Variants in ACADVL observed in about 807,000 individuals in gnomAD.
ACADVL encodes acyl-CoA dehydrogenase very long chain.
ACADVL carries 73 observed loss-of-function variants against 80.4 expected under a neutral mutation model. The observed-to-expected ratio is 0.91, with a 90% CI of 0.75 to 1.10. The LOEUF is 1.10. Ranked by LOEUF, ACADVL falls within the 50% of genes least tolerant of loss-of-function variation. The pLI is 0.00. For missense variants in ACADVL, 878 were observed against 858.9 expected, an observed-to-expected ratio of 1.02 and a Z score of -0.28; for synonymous variants, 392 against 326.5, an observed-to-expected ratio of 1.20 and a Z score of -2.16.
intron 2 of ACADVL, 77 bp from the exon 3 acceptor site, chr17:7,220,387 C>T: frequency 6.2e-7 from 1 of 1,601,304 alleles, no homozygotes; most frequent in Non-Finnish European, 8.6e-7. Context: ...GCCGCCTCCC[C>T]GCGCGGCTCT....
rs2071185652 is a variant in ACADVL, at chr17:7,220,997, T to TG, written c.421dup (p.Ala141GlyfsTer9). On this transcript the variant is annotated frameshift_variant, in exon 6 of 20. Coordinates refer to ENST00000356839, the MANE Select transcript of ACADVL (RefSeq NM_000018.4). LOFTEE classifies it high-confidence loss of function. ...ACCACTTGGCAGGGCCTCAAGGAGC[T>TG]GGGGGCCTTTGGTCTGCAAGTGCCC... is the stretch of plus-strand genomic sequence containing the variant. 1 of 1,614,070 alleles carries TG rather than the reference T, an allele frequency of 6.2e-7. No homozygotes were observed. Among genetic ancestry groups the TG allele is most frequent in the Non-Finnish European group, 8.5e-7 (1 of 1,180,016 alleles).
chr17:7,223,940 G>T, intron 13 of ACADVL, 28 bp from the exon 14 acceptor site: 1 of 1,613,726 alleles, frequency 6.2e-7, no homozygotes, highest in Non-Finnish European at 8.5e-7. Context: ...CTCAGCACGG[G>T]CATATAATTT....
At chr17:7,220,320 G>T (rs2071133589) in intron 2 of ACADVL, 123 bp downstream of exon 2, 2 of 1,518,036 alleles carry the variant, frequency 1.3e-6, no homozygotes, top group Non-Finnish European at 1.8e-6. Context: ...CGAAAGTAGG[G>T]GAAAGGGCAA....
intron 6 of ACADVL, 163 bp downstream of exon 6, chr17:7,221,221 T>C: frequency 8.0e-7 from 1 of 1,246,610 alleles, no homozygotes; most frequent in South Asian, 1.3e-5. Flanking sequence ...ACAATTTACA[T>C]GCAGTCCCCT....
upstream of ACADVL, chr17:7,217,674 G>C (rs947456289): frequency 3.4e-6 from 5 of 1,481,592 alleles, no homozygotes; most frequent in African/African-American, 4.2e-5. Context: ...AGCCAGAATG[G>C]GGGGGGTGCC....
chr17:7,222,288 CG>C lies in ACADVL; in HGVS notation c.869del (p.Gly290AlafsTer63), dbSNP rs886044671. ...ITAFVVERGFGGITHGPPEKK... is the reference protein window; with the variant it reads ...ITAFVVERGFXGITHGPPEKK... ...CAGCTTTTGTGGTGGAGAGGGGCTT[CG>C]GGGGCATTACCCAGTGAGTGAATTT... On this transcript the variant is annotated frameshift_variant, in exon 9 of 20. Transcript: ENST00000356839. LOFTEE classifies it high-confidence loss of function. 2 of 1,613,860 alleles carry C rather than the reference CG, an allele frequency of 1.2e-6. No individual in the cohort carries two copies. Among genetic ancestry groups the C allele is most frequent in the Non-Finnish European group, 1.7e-6 (2 of 1,179,972 alleles).
chr17:7,218,770 C>G, upstream of ACADVL: 1 of 1,604,488 alleles, frequency 6.2e-7, no homozygotes, highest in African/African-American at 1.3e-5. Context: ...GAAGGATCTC[C>G]GAGCCCCAGC....
At chr17:7,220,721 C>T in intron 4 of ACADVL, 45 bp downstream of exon 4, 2 of 1,614,064 alleles carry the variant, frequency 1.2e-6, no homozygotes, top group Admixed American at 1.7e-5. Context: ...AGGGTGGTTT[C>T]CCCTGCCAGC....
chr17:7,217,684 C>T (rs750089251), upstream of ACADVL: 30 of 1,521,486 alleles, frequency 2.0e-5, no homozygotes, highest in South Asian at 3.3e-4. Flanking sequence ...GGGGGGGTGC[C>T]TTGGCAGAGT....
intron 7 of ACADVL, 130 bp downstream of exon 7, chr17:7,221,812 G>C: frequency 6.3e-7 from 1 of 1,587,148 alleles, no homozygotes. Flanking sequence ...AGGCATCACA[G>C]TGTGCTGGTT....
intron 6 of ACADVL, 51 bp downstream of exon 6, chr17:7,221,109 G>A: frequency 6.2e-7 from 1 of 1,611,192 alleles, no homozygotes; most frequent in Non-Finnish European, 8.5e-7. Context: ...CAGCTTGGCA[G>A]ACTCAGCTCT....
chr17:7,217,595 C>A (rs959213426), upstream of ACADVL: 3 of 1,348,064 alleles, frequency 2.2e-6, no homozygotes, highest in African/African-American at 1.8e-5. Context: ...CCGAGGGAGC[C>A]GTGGAGCCGA....
At chr17:7,217,172 G>A, upstream of ACADVL, 9 of 1,284,836 alleles carry the variant, frequency 7.0e-6, no homozygotes, top group Non-Finnish European at 8.9e-6. Flanking sequence ...CCGCGGCGGC[G>A]GGTAAGGGGC....
chr17:7,222,271 G>C lies in ACADVL; in HGVS notation c.847G>C (p.Val283Leu), dbSNP rs765445775. 3 of 1,614,110 alleles carry C rather than the reference G, an allele frequency of 1.9e-6. No individual in the cohort carries two copies. The highest frequency in any genetic ancestry group is 2.2e-5 in the South Asian group (2 of 91,086). ...GAVKEKITAF[V>L]VERGFGGITH... The stretch of plus-strand genomic sequence containing the variant: ...CGTGAAGGAGAAGATCACAGCTTTT[G>C]TGGTGGAGAGGGGCTTCGGGGGCAT... The change falls in exon 9 of 20, where the codon GTG becomes CTG. Residue 283 changes from valine to leucine, a missense_variant. Val to Leu is a conservative substitution (Grantham distance 32, BLOSUM62 1). Coordinates refer to ENST00000356839, the MANE Select transcript of ACADVL (RefSeq NM_000018.4).
rs892944229 is a variant in ACADVL, at chr17:7,221,023, A to T, written c.442A>T (p.Ser148Cys). 6.2e-7 allele frequency: 1 copy of T among 1,613,714 alleles called. No homozygotes were observed. The highest frequency in any genetic ancestry group is 1.3e-5 in the African/African-American group (1 of 74,842). The part of the protein sequence containing the change: ...ELGAFGLQVP[S>C]ELGGVGLCNT... ...GGGGGCCTTTGGTCTGCAAGTGCCCAGTGAGCTGGGTGGTGTGGGCCTTTG... is the reference window on the plus strand; with the variant it reads ...GGGGGCCTTTGGTCTGCAAGTGCCCTGTGAGCTGGGTGGTGTGGGCCTTTG... Residue 148 changes from serine (S) to cysteine (C), a missense_variant, in exon 6 of 20, where the codon AGT becomes TGT. Transcript: ENST00000356839.
chr17:7,222,797 C>T lies in ACADVL; in HGVS notation c.1009C>T (p.Leu337Phe), dbSNP rs1567565656. 6.2e-7 allele frequency: 1 copy of T among 1,613,970 alleles called. No individual in the cohort carries two copies. The highest frequency in any genetic ancestry group is 1.7e-5 in the Admixed American group (1 of 60,014). Residue 337 changes from leucine (L) to phenylalanine (F), a missense_variant, in exon 10 of 20, where the codon CTC becomes TTC. Transcript: ENST00000356839. ...GSGFKVAMHI[L>F]NNGRFGMAAA... ...TGGCTTCAAGGTTGCCATGCACATC[C>T]TCAACAATGGAAGGTTTGGCATGGC...
chr17:7,225,005 T>C lies in ACADVL; in HGVS notation c.1876T>C (p.Trp626Arg). ...CATGGCCGCCCTGCAGTCTGACCCC[T>C]GGCAGCAAGAGCTCTACCGCAACTT... ...EGMAALQSDPWQQELYRNFKS... is the reference protein window; with the variant it reads ...EGMAALQSDPRQQELYRNFKS... Residue 626 changes from tryptophan to arginine, a missense_variant, in exon 20 of 20, where the codon TGG becomes CGG. Physicochemically the swap from Trp to Arg is moderately radical, Grantham distance 101 (BLOSUM62 -3). Transcript: ENST00000356839. The C allele has an allele frequency of 6.2e-7, 1 of 1,614,086 alleles. No individual in the cohort carries two copies.
chr17:7,219,549 C>T (rs531336193), upstream of ACADVL: 1 of 1,102,870 alleles, frequency 9.1e-7, no homozygotes, highest in Non-Finnish European at 1.1e-6. Flanking sequence ...CATCAGGAAC[C>T]CTAGAGTCTG....
Position 7,223,202 on chromosome 17 carries a change from C to G in ACADVL, c.1147C>G (p.Leu383Val), listed in dbSNP as rs756194870. ...CAACTTTGGGCTGATCCAGGAGAAG[C>G]TGGCACGGATGGTTATGCTGCAGTA... The part of the protein sequence containing the change: ...IHNFGLIQEK[L>V]ARMVMLQYVT... The change falls in exon 11 of 20, where the codon CTG becomes GTG. Residue 383 changes from leucine to valine, a missense_variant. Leu to Val is a conservative substitution (Grantham distance 32). Coordinates refer to ENST00000356839, the MANE Select transcript of ACADVL (RefSeq NM_000018.4). 2.5e-6 allele frequency: 4 copies of G among 1,613,966 alleles called. No homozygotes were observed. The highest frequency in any genetic ancestry group is 3.3e-5 in the Admixed American group (2 of 60,012).
Sources: allele counts gnomAD v4.1 joint callset, GRCh38; gene constraint gnomAD v4.1.1; transcripts MANE v1.5; gene names NCBI Gene and HGNC (gene_info 2026-07-23, HGNC 2026-07-21).